TOPAZ1: variants seen among roughly 807,000 people sequenced by gnomAD.
TOPAZ1 encodes protein TOPAZ1.
Under a neutral mutation model 172.2 loss-of-function variants are expected in TOPAZ1, and 66 were observed. The observed-to-expected ratio is 0.38, with a 90% CI of 0.31 to 0.47. The LOEUF (loss-of-function observed/expected upper bound fraction) is 0.47. Ranked by LOEUF, TOPAZ1 falls within the 20% of genes least tolerant of loss-of-function variation. The probability of loss-of-function intolerance (pLI) is 0.99; values close to 1 mark genes in which losing one functional copy is unlikely to be tolerated. For missense variants in TOPAZ1, 1,822 were observed against 1,972.4 expected (o/e 0.92, Z 1.44); for synonymous variants, 681 against 683.9 (o/e 1.00, Z 0.07).
rs1575703161 is a variant in TOPAZ1 at position 44,245,144 on chromosome 3, G to A, written c.2638G>A (p.Gly880Arg). ...DPDLFGVSNE[G>R]ELSFTSEVPK... Reference sequence around the variant, plus strand: ...AGACCTCTTTGGAGTCTCCAATGAAGGGGAGCTCTCATTTACTTCTGAGGT... The same window carrying A: ...AGACCTCTTTGGAGTCTCCAATGAAAGGGAGCTCTCATTTACTTCTGAGGT... The change falls in exon 2 of 20, where the codon GGG (glycine) becomes AGG (arginine). Residue 880 changes from glycine (G) to arginine (R), a missense_variant. By Grantham distance (125) the Gly-to-Arg change is moderately radical (BLOSUM62 -2). This residue lies in a region of TOPAZ1 where 1,489 missense variants were observed against 1,490.8 expected (regional missense o/e 1.00). Coordinates refer to ENST00000309765, the MANE Select transcript of TOPAZ1 (RefSeq NM_001145030.2). 1.3e-6 allele frequency: 2 copies of A among 1,552,016 alleles called. No homozygotes were observed. Among genetic ancestry groups the A allele is most frequent in the Non-Finnish European group, 1.7e-6 (2 of 1,147,054 alleles).
At chr3:44,267,572 G>A (rs1307110205) in intron 6 of TOPAZ1, among the ~76,000 whole-genome samples, 2 of 152,046 alleles carry the variant, frequency 1.3e-5, no homozygotes, top group Non-Finnish European at 2.9e-5. Flanking sequence ...TGAAATTACA[G>A]GTGTAAGCTA....
chr3:44,292,573 G>C (rs946824066), intron 12 of TOPAZ1, among the ~76,000 whole-genome samples: 1 of 152,132 alleles, frequency 6.6e-6, no homozygotes, highest in African/African-American at 2.4e-5. Context: ...AATAGCTACT[G>C]AACTTCACCC....
At chr3:44,327,591 C>T (rs143238399) in intron 18 of TOPAZ1, among the ~76,000 whole-genome samples, 7 of 152,246 alleles carry the variant, frequency 4.6e-5, no homozygotes, top group Admixed American at 2.6e-4. Flanking sequence ...GTAAATATTG[C>T]ATAAACTATA....
Position 44,242,218 on chromosome 3 carries a change from G to A in TOPAZ1, c.165G>A (p.Arg55=), listed in dbSNP as rs1045488182. 2 of 1,545,666 alleles carry A rather than the reference G, an allele frequency of 1.3e-6. No individual in the cohort carries two copies. Among genetic ancestry groups the A allele is most frequent in the Non-Finnish European group, 1.7e-6 (2 of 1,145,296 alleles). Residue 55 remains arginine (R), a synonymous_variant, in exon 1 of 20, where the codon CGG becomes CGA. Transcript: ENST00000309765. ...ENKQKRRMVA[R]ATPGRGEVES... The stretch of plus-strand genomic sequence containing the variant: ...AGCAAAAGAGGAGAATGGTGGCCCG[G>A]GCCACCCCTGGGAGAGGCGAGGTGG...
intron 6 of TOPAZ1, among the ~76,000 whole-genome samples, chr3:44,267,547 A>C (rs1161263353): frequency 2.0e-5 from 3 of 152,082 alleles, no homozygotes; most frequent in Non-Finnish European, 2.9e-5. Flanking sequence ...TGTCCACCTC[A>C]GCCTCCCAAA....
intron 2 of TOPAZ1, among the ~76,000 whole-genome samples, chr3:44,250,114 C>T (rs1416568779): frequency 6.6e-6 from 1 of 152,096 alleles, no homozygotes; most frequent in Non-Finnish European, 1.5e-5. Flanking sequence ...TAGACTGGAT[C>T]TATGCCGGGC....
Position 44,269,212 on chromosome 3 carries a change from C to T in TOPAZ1, c.3161-4C>T, listed in dbSNP as rs1273427422. On this transcript the variant is annotated splice_polypyrimidine_tract_variant and splice_region_variant and intron_variant, in intron 6 of 19. Transcript: ENST00000309765. ...TGTGTAATGCCACTCTAAATCATTTCTAGATTTCAGATTTCTGGGAAAACA... is the reference window on the plus strand; with the variant it reads ...TGTGTAATGCCACTCTAAATCATTTTTAGATTTCAGATTTCTGGGAAAACA... The T allele has an allele frequency of 1.3e-6, 2 of 1,525,242 alleles. No individual in the cohort carries two copies. The highest frequency in any genetic ancestry group is 2.8e-5 in the African/African-American group (2 of 72,424). 94.5% of individuals were successfully genotyped at this position (1,525,242 alleles called of 1,614,324 possible).
chr3:44,244,733 C>T lies in TOPAZ1; in HGVS notation c.2227C>T (p.Gln743Ter). 1 of 1,551,518 alleles carries T rather than the reference C, an allele frequency of 6.4e-7. No individual in the cohort carries two copies. The highest frequency in any genetic ancestry group is 8.7e-7 in the Non-Finnish European group (1 of 1,146,964). The change falls in exon 2 of 20, where the codon CAA becomes TAA. Residue 743 changes from glutamine (Q) to a stop codon, truncating the protein, a stop_gained. Coordinates refer to ENST00000309765, the MANE Select transcript of TOPAZ1 (RefSeq NM_001145030.2). LOFTEE classifies it high-confidence loss of function. ...TGTCTCCATGATGATGTTAGGACCT[C>T]AAACTTTGAGCATACGAAATAGTGT... ...ENVSMMMLGP[Q>*]TLSIRNSVTP...
At chr3:44,330,588 C>T (rs1700656805) in intron 19 of TOPAZ1, among the ~76,000 whole-genome samples, 1 of 152,170 alleles carries the variant, frequency 6.6e-6, no homozygotes, top group African/African-American at 2.4e-5. Flanking sequence ...CCAGTCTTTC[C>T]TCTCTCTGAC....
intron 6 of TOPAZ1, among the ~76,000 whole-genome samples, chr3:44,268,212 C>T (rs1383038999): frequency 6.6e-6 from 1 of 151,952 alleles, no homozygotes; most frequent in East Asian, 1.9e-4. Context: ...TTATTTTGCA[C>T]AGTGCTAGAA....
chr3:44,290,923 G>A (rs1225674285), intron 12 of TOPAZ1, 37 bp downstream of exon 12: 6 of 1,334,034 alleles, frequency 4.5e-6, no homozygotes, highest in Non-Finnish European at 4.2e-6. Flanking sequence ...CAAAATATAT[G>A]TGTCTTGGTG....
intron 4 of TOPAZ1, among the ~76,000 whole-genome samples, chr3:44,259,582 A>C (rs1279888710): frequency 6.6e-6 from 1 of 152,176 alleles, no homozygotes; most frequent in Non-Finnish European, 1.5e-5. Context: ...ATATTGCTGC[A>C]TTATGCATCC....
intron 8 of TOPAZ1, among the ~76,000 whole-genome samples, chr3:44,277,985 A>G (rs925815632): frequency 9.2e-5 from 14 of 152,162 alleles, no homozygotes; most frequent in African/African-American, 3.4e-4. Context: ...CCAGTCTCAG[A>G]TATTTCTTTA....
rs1699546289 is a variant in TOPAZ1, at chr3:44,245,029, A to C, written c.2523A>C (p.Ile841=). ...PVSSEVRGRK[I]TKNFSEVGFP... is the part of the protein sequence containing the mutation. ...CCAGTGAAGTTAGGGGTAGAAAAATAACTAAGAATTTTTCAGAGGTAGGGT... is the reference window on the plus strand; with the variant it reads ...CCAGTGAAGTTAGGGGTAGAAAAATCACTAAGAATTTTTCAGAGGTAGGGT... The change falls in exon 2 of 20, where the codon ATA becomes ATC. Residue 841 remains isoleucine (I), a synonymous_variant. Transcript: ENST00000309765. The C allele has an allele frequency of 6.4e-7, 1 of 1,551,596 alleles. No individual in the cohort carries two copies. Among genetic ancestry groups the C allele is most frequent in the Non-Finnish European group, 8.7e-7 (1 of 1,146,990 alleles).
chr3:44,262,357 ATAGCTTAG>A, intron 4 of TOPAZ1, 54 bp from the exon 5 acceptor site: 1 of 805,460 alleles, frequency 1.2e-6, no homozygotes, highest in Non-Finnish European at 1.9e-6. Context: ...AGTAAGCCTC[ATAGCTTAG>A]TATGTAATAC....
chr3:44,298,907 ATATTTTT>A (rs1470588001), intron 12 of TOPAZ1, among the ~76,000 whole-genome samples: 8 of 13,530 alleles, frequency 5.9e-4, no homozygotes, highest in African/African-American at 3.3e-3. Context: ...ATATATATAT[ATATTTTT>A]TTTTTTTTTT....
chr3:44,323,581 C>G (rs892691473), intron 18 of TOPAZ1, among the ~76,000 whole-genome samples: 5 of 152,106 alleles, frequency 3.3e-5, no homozygotes, highest in Non-Finnish European at 5.9e-5. Flanking sequence ...AGGATAGAAC[C>G]AGTTTGGCAT....
chr3:44,251,575 T>C (rs965926170), intron 2 of TOPAZ1, among the ~76,000 whole-genome samples: 2 of 152,210 alleles, frequency 1.3e-5, no homozygotes, highest in Admixed American at 6.5e-5. Flanking sequence ...AAATTATAGG[T>C]TTACGAAAAC....
At chr3:44,309,110 A>C in intron 15 of TOPAZ1, among the ~76,000 whole-genome samples, 1 of 152,340 alleles carries the variant, frequency 6.6e-6, no homozygotes, top group Admixed American at 6.5e-5. Context: ...GCTACTTACT[A>C]TCTGGCCATT....
Sources: gnomAD v4.1 joint callset for allele counts (sites outside exome capture counted in the v4.1 genomes callset) on GRCh38, gnomAD v4.1.1 for gene constraint, gnomAD v4.1.1 regional missense constraint, MANE v1.5 for transcripts, NCBI Gene and HGNC (gene_info 2026-07-23, HGNC 2026-07-21) for gene names.